Variants in FAM149A observed in about 807,000 individuals in gnomAD.
FAM149A encodes family with sequence similarity 149 member A.
In FAM149A, 71 loss-of-function variants were observed where a neutral mutation model predicts 78.2. The observed-to-expected ratio is 0.91, with a 90% CI of 0.75 to 1.11. The LOEUF is 1.11. FAM149A is among the 50% of genes least tolerant of loss of function. FAM149A has a pLI of 0.00. For missense variants in FAM149A, 1,036 were observed against 971.0 expected, an observed-to-expected ratio of 1.07 and a Z score of -0.89; for synonymous variants, 446 against 410.5, an observed-to-expected ratio of 1.09 and a Z score of -1.04.
intron 1 of FAM149A, among the ~76,000 whole-genome samples, chr4:186,136,988 C>CTCTCTCTT (rs2099323417): frequency 1.6e-5 from 2 of 121,598 alleles, no homozygotes; most frequent in African/African-American, 6.2e-5. Context: ...CTCTCTCTCT[C>CTCTCTCTT]TCTCTCTCTC....
At chr4:186,122,897 A>C (rs1414150890) in intron 1 of FAM149A, 1 of 272,696 alleles carries the variant, frequency 3.7e-6, no homozygotes, top group Non-Finnish European at 5.6e-6. Flanking sequence ...TCCAAATTTC[A>C]TATTTCCACC....
At chr4:186,155,919 C>A in intron 6 of FAM149A, 81 bp from the exon 7 acceptor site, 1 of 1,090,684 alleles carries the variant, frequency 9.2e-7, no homozygotes, top group Non-Finnish European at 1.3e-6. Context: ...TATACATGTA[C>A]ATACGTGAAT....
intron 1 of FAM149A, among the ~76,000 whole-genome samples, chr4:186,130,348 A>G (rs1354226723): frequency 6.8e-6 from 1 of 147,190 alleles, no homozygotes; most frequent in Non-Finnish European, 1.5e-5. Context: ...GGAGAAATCC[A>G]AAATTGTAGT....
chr4:186,156,402 G>A (rs922075467), intron 7 of FAM149A, among the ~76,000 whole-genome samples: 1 of 152,032 alleles, frequency 6.6e-6, no homozygotes, highest in Non-Finnish European at 1.5e-5. Context: ...GGCTGGGTGC[G>A]GTGGCTCACG....
intron 1 of FAM149A, among the ~76,000 whole-genome samples, chr4:186,111,245 T>C (rs1365291227): frequency 6.6e-6 from 1 of 151,914 alleles, no homozygotes; most frequent in African/African-American, 2.4e-5. Flanking sequence ...TGGGGTTGTT[T>C]GTTTTTTTCT....
At position 186,105,524 on chromosome 4, in the gene FAM149A, G is replaced by A; in HGVS notation, c.448G>A (p.Gly150Arg). 2 of 1,152,794 alleles carry A rather than the reference G, an allele frequency of 1.7e-6. No homozygotes were observed. The highest frequency in any genetic ancestry group is 2.2e-6 in the Non-Finnish European group (2 of 930,192). The allele number at this position is 1,152,794 out of a possible 1,614,324, so 71.4% of individuals were successfully genotyped here. A position where few individuals can be genotyped will look rare whatever the true frequency, so the allele number is the denominator to read the frequency against. The stretch of plus-strand genomic sequence containing the variant: ...CAGGAACCCGCTCCAGCCTGGCCCC[G>A]GAGAGCGAGAGCTCGGCGCCTGCGT... The change falls in exon 1 of 14, where the codon GGA becomes AGA. Residue 150 changes from glycine (G) to arginine (R), a missense_variant. Physicochemically the swap from Gly to Arg is moderately radical, Grantham distance 125. Coordinates refer to ENST00000389354, the MANE Select transcript of FAM149A (RefSeq NM_001367768.3).
intron 9 of FAM149A, among the ~76,000 whole-genome samples, chr4:186,163,196 G>A (rs1734751135): frequency 6.6e-6 from 1 of 152,170 alleles, no homozygotes; most frequent in Non-Finnish European, 1.5e-5. Flanking sequence ...AATCTTGTGG[G>A]CTTGACTGTT....
intron 1 of FAM149A, among the ~76,000 whole-genome samples, chr4:186,136,711 C>T (rs1005956303): frequency 3.3e-5 from 5 of 152,060 alleles, no homozygotes; most frequent in African/African-American, 1.2e-4. Flanking sequence ...TAATCTGTGC[C>T]ATGTATAGGA....
At chr4:186,109,727 T>A (rs1370882306) in intron 1 of FAM149A, 1 of 980,030 alleles carries the variant, frequency 1.0e-6, no homozygotes, top group South Asian at 4.7e-5. Context: ...GAGAGCCATG[T>A]TTTATTGAAA....
At chr4:186,113,372 G>GT (rs1326812880) in intron 1 of FAM149A, among the ~76,000 whole-genome samples, 4 of 92,802 alleles carry the variant, frequency 4.3e-5, no homozygotes, top group African/African-American at 1.6e-4. Flanking sequence ...TTTTTGAAGG[G>GT]TTTTTTGTGT....
At chr4:186,119,718 A>G (rs1561387381) in intron 1 of FAM149A, among the ~76,000 whole-genome samples, 1 of 152,240 alleles carries the variant, frequency 6.6e-6, no homozygotes, top group Non-Finnish European at 1.5e-5. Context: ...TTTAAAGTTA[A>G]TAATTCTATT....
chr4:186,154,871 G>A (rs922357552), intron 6 of FAM149A: 2 of 985,368 alleles, frequency 2.0e-6, no homozygotes, highest in Non-Finnish European at 1.2e-6. Context: ...AAGGCTCCTC[G>A]CAGCCCTGGT....
At chr4:186,129,758 A>G (rs971724343) in intron 1 of FAM149A, among the ~76,000 whole-genome samples, 3 of 152,222 alleles carry the variant, frequency 2.0e-5, no homozygotes, top group African/African-American at 7.2e-5. Context: ...ACGACTCTGT[A>G]TTGTTTACCA....
At chr4:186,111,770 C>T (rs2099311395) in intron 1 of FAM149A, among the ~76,000 whole-genome samples, 1 of 151,420 alleles carries the variant, frequency 6.6e-6, no homozygotes, top group South Asian at 2.1e-4. Context: ...TGTTTTGGTA[C>T]CAGTACCATG....
chr4:186,117,954 C>A, intron 1 of FAM149A: 1 of 985,216 alleles, frequency 1.0e-6, no homozygotes. Context: ...GAGGAGAGTG[C>A]CACTCATAAA....
chr4:186,152,149 G>A, intron 4 of FAM149A, 104 bp downstream of exon 4: 1 of 1,080,084 alleles, frequency 9.3e-7, no homozygotes, highest in Non-Finnish European at 1.4e-6. Flanking sequence ...TGCCTGCCCA[G>A]TCAGAATATG....
intron 1 of FAM149A, among the ~76,000 whole-genome samples, chr4:186,115,425 C>T (rs1403887580): frequency 7.4e-5 from 11 of 148,444 alleles, no homozygotes; most frequent in Non-Finnish European, 1.6e-4. Flanking sequence ...CAGCTTTGTT[C>T]CATTGCTGGT....
chr4:186,135,155 G>A (rs2099322192), intron 1 of FAM149A, among the ~76,000 whole-genome samples: 2 of 152,172 alleles, frequency 1.3e-5, no homozygotes, highest in South Asian at 4.1e-4. Flanking sequence ...TACAATTTGA[G>A]AACCACTGAA....
At chr4:186,129,286 AC>A (rs1315392060) in intron 1 of FAM149A, among the ~76,000 whole-genome samples, 1 of 152,084 alleles carries the variant, frequency 6.6e-6, no homozygotes, top group Non-Finnish European at 1.5e-5. Flanking sequence ...TTTTTGCTCC[AC>A]ACTGACCAAT....
Sources: gnomAD v4.1 joint callset for allele counts (sites outside exome capture counted in the v4.1 genomes callset) on GRCh38, gnomAD v4.1.1 for gene constraint, MANE v1.5 for transcripts, NCBI Gene and HGNC (gene_info 2026-07-23, HGNC 2026-07-21) for gene names.